The following PROS1 variants were observed in gnomAD, a reference collection of about 807,000 sequenced individuals.
PROS1 encodes protein S.
PROS1 carries 29 observed loss-of-function variants against 75.9 expected under a neutral mutation model. That is an observed-to-expected ratio of 0.38 (90% confidence interval 0.28 to 0.52). The LOEUF (loss-of-function observed/expected upper bound fraction) is 0.52, where lower values mean the gene tolerates loss of function less well. PROS1 is among the 20% of genes least tolerant of loss of function. PROS1 has a pLI of 0.83. For synonymous variants in PROS1, 245 were observed against 280.6 expected, an observed-to-expected ratio of 0.87 and a Z score of 1.27; for missense variants, 680 against 810.3, an observed-to-expected ratio of 0.84 and a Z score of 1.95.
intron 1 of PROS1, among the ~76,000 whole-genome samples, chr3:93,930,479 C>T (rs775648851): frequency 1.4e-4 from 21 of 152,094 alleles, no homozygotes; most frequent in Non-Finnish European, 2.9e-4. Flanking sequence ...AGGTTAAATG[C>T]ACTTAGGAAA....
chr3:93,903,826 T>A lies in PROS1; in HGVS notation c.601+1958A>T, dbSNP rs74361656. ...GTCCTAATGACAGTCTTTTTTTTTT[T>A]AATTATACTCTAAGTTCTAGGGTAC... is the stretch of plus-strand genomic sequence containing the variant. On this transcript the variant is annotated intron_variant, in intron 6 of 14. Transcript: ENST00000394236. Among the ~76,000 whole-genome samples the A allele has an allele frequency of 5.9e-5, 9 of 152,232 alleles. No homozygotes were observed. In the East Asian group the frequency reaches 7.7e-4, roughly 13 times the overall value.
chr3:93,894,012 A>G (rs1167243057), intron 9 of PROS1, among the ~76,000 whole-genome samples: 2 of 152,124 alleles, frequency 1.3e-5, no homozygotes, highest in Admixed American at 6.5e-5. Flanking sequence ...TTTCCAAGGG[A>G]CTAGCAAATC....
chr3:93,971,627 CCACA>C (rs748664337), intron 1 of PROS1, among the ~76,000 whole-genome samples: 1,258 of 124,436 alleles, frequency 0.01, 12 homozygotes, highest in East Asian at 0.015. Context: ...AAAATAAAAA[CCACA>C]CACACACACA....
At chr3:93,961,334 A>G (rs929508156) in intron 1 of PROS1, among the ~76,000 whole-genome samples, 1 of 152,186 alleles carries the variant, frequency 6.6e-6, no homozygotes, top group African/African-American at 2.4e-5. Context: ...AGAAACAGTG[A>G]TAGGAGACAA....
chr3:93,962,213 T>A (rs1709717956), intron 1 of PROS1, among the ~76,000 whole-genome samples: 1 of 152,016 alleles, frequency 6.6e-6, no homozygotes, highest in Non-Finnish European at 1.5e-5. Flanking sequence ...GTGTGTGTAG[T>A]GATCACATTT....
intron 1 of PROS1, among the ~76,000 whole-genome samples, chr3:93,941,133 C>G (rs1709281447): frequency 6.6e-6 from 1 of 152,156 alleles, no homozygotes; most frequent in Non-Finnish European, 1.5e-5. Flanking sequence ...AGGGACAGCC[C>G]TCATTACTTC....
At chr3:93,940,694 C>G (rs1303860034) in intron 1 of PROS1, among the ~76,000 whole-genome samples, 1 of 152,106 alleles carries the variant, frequency 6.6e-6, no homozygotes, top group African/African-American at 2.4e-5. Context: ...CAACTGATCA[C>G]ATGTCCATTA....
intron 1 of PROS1, among the ~76,000 whole-genome samples, chr3:93,945,006 A>T (rs1275751509): frequency 6.6e-6 from 1 of 152,222 alleles, no homozygotes; most frequent in East Asian, 1.9e-4. Context: ...TCCCACAGAA[A>T]TACAAACTAC....
intron 1 of PROS1, among the ~76,000 whole-genome samples, chr3:93,946,499 C>A (rs1438486701): frequency 6.6e-6 from 1 of 152,010 alleles, no homozygotes; most frequent in Non-Finnish European, 1.5e-5. Context: ...AGAAATAATA[C>A]CACACATCTA....
chr3:93,874,739 CT>C (rs955368552), intron 14 of PROS1, among the ~76,000 whole-genome samples: 3 of 152,078 alleles, frequency 2.0e-5, no homozygotes, highest in African/African-American at 7.2e-5. Flanking sequence ...TCTCTTTAAA[CT>C]TAAGCAACAG....
Position 93,879,301 on chromosome 3 carries a change from A to C in PROS1, c.1506T>G (p.Ser502Arg), listed in dbSNP as rs1254236549. The change falls in exon 13 of 15, where the codon AGT becomes AGG. Residue 502 changes from serine (S) to arginine (R), a missense_variant. Physicochemically the swap from Ser to Arg is moderately radical, Grantham distance 110 (BLOSUM62 -1). Transcript: ENST00000394236. ...QFHIDYNNVSSAEGWHVNVTL... is the reference protein window; with the variant it reads ...QFHIDYNNVSRAEGWHVNVTL... Reference sequence around the variant, plus strand: ...TCACATTTACATGCCAACCCTCAGCACTGGATACATTATCTATTTAAAATA... The same window carrying C: ...TCACATTTACATGCCAACCCTCAGCCCTGGATACATTATCTATTTAAAATA... The C allele has an allele frequency of 8.1e-6, 13 of 1,614,030 alleles. No individual in the cohort carries two copies. Among genetic ancestry groups the C allele is most frequent in the Non-Finnish European group, 9.3e-6 (11 of 1,179,896 alleles).
intron 4 of PROS1, 126 bp downstream of exon 4, chr3:93,910,493 T>A (rs756376715): frequency 3.3e-5 from 26 of 784,086 alleles, no homozygotes; most frequent in Non-Finnish European, 5.1e-5. Flanking sequence ...AAATACTTCC[T>A]TGCTGGGCAT....
chr3:93,879,307 T>C lies in PROS1; in HGVS notation c.1500A>G (p.Val500=), dbSNP rs1184938633. 12 of 1,613,970 alleles carry C rather than the reference T, an allele frequency of 7.4e-6. No individual in the cohort carries two copies. Among genetic ancestry groups the C allele is most frequent in the Non-Finnish European group, 1.0e-5 (12 of 1,179,846 alleles). The change falls in exon 13 of 15, where the codon GTA becomes GTG. Residue 500 remains valine (V), a synonymous_variant. Coordinates refer to ENST00000394236, the MANE Select transcript of PROS1 (RefSeq NM_000313.4). ...TTACATGCCAACCCTCAGCACTGGA[T>C]ACATTATCTATTTAAAATAATGAAA... ...IAQFHIDYNN[V]SSAEGWHVNV...
chr3:93,947,047 G>A (rs1386846331), intron 1 of PROS1, among the ~76,000 whole-genome samples: 1 of 152,158 alleles, frequency 6.6e-6, no homozygotes, highest in Middle Eastern at 3.2e-3. Flanking sequence ...CATTTATGCA[G>A]CCAACAGACA....
intron 1 of PROS1, among the ~76,000 whole-genome samples, chr3:93,962,281 CG>C (rs1157967242): frequency 1.3e-5 from 2 of 151,968 alleles, no homozygotes; most frequent in African/African-American, 4.8e-5. Context: ...GACAACCCAC[CG>C]ATTTCTTCAC....
At chr3:93,930,424 C>T (rs1023832106) in intron 1 of PROS1, among the ~76,000 whole-genome samples, 1 of 152,156 alleles carries the variant, frequency 6.6e-6, no homozygotes, top group African/African-American at 2.4e-5. Context: ...AAAACAATAA[C>T]ACTTTCATTG....
At chr3:93,943,719 C>G (rs1379394152) in intron 1 of PROS1, among the ~76,000 whole-genome samples, 1 of 152,130 alleles carries the variant, frequency 6.6e-6, no homozygotes, top group Non-Finnish European at 1.5e-5. Context: ...CCATCATATC[C>G]CCTGTGACCT....
intron 1 of PROS1, among the ~76,000 whole-genome samples, chr3:93,956,095 G>C (rs1302484867): frequency 6.6e-6 from 1 of 152,090 alleles, no homozygotes; most frequent in Non-Finnish European, 1.5e-5. Context: ...TCAGTGAAAT[G>C]AAGATTCAGA....
intron 1 of PROS1, among the ~76,000 whole-genome samples, chr3:93,941,031 C>T (rs771089687): frequency 2.6e-5 from 4 of 152,248 alleles, no homozygotes; most frequent in African/African-American, 9.6e-5. Flanking sequence ...TTTCACTATT[C>T]CACTGCACCC....
Sources: allele counts gnomAD v4.1 joint callset (sites outside exome capture counted in the v4.1 genomes callset), GRCh38; gene constraint gnomAD v4.1.1; transcripts MANE v1.5; gene names NCBI Gene and HGNC (gene_info 2026-07-23, HGNC 2026-07-21).